The following PCID2 variants were observed in gnomAD, a reference collection of about 807,000 sequenced individuals.
The protein encoded by PCID2 is PCI domain containing 2.
PCID2 carries 41 observed loss-of-function variants against 61.3 expected under a neutral mutation model. That is an observed-to-expected ratio of 0.67 (90% CI 0.52 to 0.87). The LOEUF is 0.87. PCID2 is among the 40% of genes least tolerant of loss of function. The probability of loss-of-function intolerance (pLI) is 0.00; values close to 1 mark genes in which losing one functional copy is unlikely to be tolerated. For synonymous variants in PCID2, 187 were observed against 177.8 expected, an observed-to-expected ratio of 1.05 and a Z score of -0.41; for missense variants, 392 against 493.4, an observed-to-expected ratio of 0.79 and a Z score of 1.95.
chr13:113,183,408 T>C (rs147221567), intron 9 of PCID2, among the ~76,000 whole-genome samples: 80 of 152,186 alleles, frequency 5.3e-4, no homozygotes, highest in African/African-American at 1.9e-3. Context: ...TAAAAGCTTC[T>C]CTACCTTTAT....
the PCID2 span, among the ~76,000 whole-genome samples, chr13:113,165,607 T>A: frequency 0.74 from 113,221 of 152,172 alleles, 42,543 homozygotes; most frequent in Middle Eastern, 0.8. Flanking sequence ...CCCGGCTCAC[T>A]GCAACCTCTG....
At chr13:113,185,445 G>A (rs774035809) in intron 8 of PCID2, 40 bp downstream of exon 8, 8 of 1,455,314 alleles carry the variant, frequency 5.5e-6, no homozygotes, top group East Asian at 4.5e-5. Flanking sequence ...CAGGACAATC[G>A]AAAATTGTAA....
At position 113,178,094 on chromosome 13, in the gene PCID2, G is replaced by C; in HGVS notation, c.*104C>G. 1 of 731,804 alleles carries C rather than the reference G, an allele frequency of 1.4e-6. No homozygotes were observed. The highest frequency in any genetic ancestry group is 1.8e-5 in the South Asian group (1 of 54,610). The allele number at this position is 731,804 out of a possible 1,614,324, so 45.3% of individuals were successfully genotyped here. On this transcript the variant is annotated 3_prime_UTR_variant, in exon 14 of 14. Coordinates refer to ENST00000337344, the MANE Select transcript of PCID2 (RefSeq NM_001127202.4). ...ATCCCTGGGAAAAGCGCCTCCAAGA[G>C]TTCCGGCTTCAGGGAGCCTTGTTGC... is the stretch of plus-strand genomic sequence containing the variant.
intron 6 of PCID2, among the ~76,000 whole-genome samples, chr13:113,194,178 G>C (rs565868923): frequency 2.0e-5 from 3 of 152,278 alleles, no homozygotes; most frequent in African/African-American, 7.2e-5. Flanking sequence ...GCCACCCCCA[G>C]TCCGCACCAC....
At chr13:113,172,108 G>A in the PCID2 span, 1 of 1,612,298 alleles carries the variant, frequency 6.2e-7, no homozygotes, top group Non-Finnish European at 8.5e-7. Flanking sequence ...TGAACTAACT[G>A]AAACTCAGCT....
chr13:113,178,999 T>A lies in PCID2; in HGVS notation c.1077A>T (p.Glu359Asp). 6.2e-7 allele frequency: 1 copy of A among 1,613,722 alleles called. No homozygotes were observed. Among genetic ancestry groups the A allele is most frequent in the Non-Finnish European group, 8.5e-7 (1 of 1,179,640 alleles). The change falls in exon 13 of 14, where the codon GAA becomes GAT. Residue 359 changes from glutamate to aspartate, a missense_variant. Physicochemically the swap from Glu to Asp is conservative, Grantham distance 45 (BLOSUM62 2). This residue lies in a region of PCID2 where 226 missense variants were observed against 296.5 expected (regional missense o/e 0.76). Transcript: ENST00000337344. ...FMQVEDVDID[E>D]VQCILANLIY... ...TCAAGTTAGCCAGAATACACTGAAC[T>A]TCGTCAATGTCCACGTCCTCCACCT...
intron 7 of PCID2, among the ~76,000 whole-genome samples, chr13:113,190,194 A>G (rs2038488936): frequency 6.6e-6 from 1 of 151,854 alleles, no homozygotes; most frequent in Non-Finnish European, 1.5e-5. Flanking sequence ...CAACTTACAA[A>G]TACAGGAAGC....
downstream of PCID2, chr13:113,177,436 A>T (rs2037221571): frequency 6.6e-6 from 1 of 152,206 alleles, no homozygotes; most frequent in Admixed American, 6.5e-5. Context: ...CACGCCCGGC[A>T]TCTACACTTT....
chr13:113,192,717 GTTT>G (rs34433642), intron 6 of PCID2, among the ~76,000 whole-genome samples: 1 of 152,176 alleles, frequency 6.6e-6, no homozygotes, highest in South Asian at 2.1e-4. Context: ...TGGGGGTTGG[GTTT>G]TTAACAGTGG....
intron 1 of PCID2, among the ~76,000 whole-genome samples, chr13:113,205,410 T>C (rs993411379): frequency 2.6e-5 from 4 of 152,238 alleles, no homozygotes; most frequent in African/African-American, 7.2e-5. Context: ...GCAACCCTCA[T>C]ACATTGCTGG....
At chr13:113,166,758 G>A in the PCID2 span, among the ~76,000 whole-genome samples, 2 of 152,198 alleles carry the variant, frequency 1.3e-5, no homozygotes. Context: ...AGTGCGCTGA[G>A]GGTCGGTACT....
chr13:113,205,109 C>A (rs1418503756), intron 1 of PCID2, among the ~76,000 whole-genome samples: 1 of 152,208 alleles, frequency 6.6e-6, no homozygotes, highest in African/African-American at 2.4e-5. Context: ...CCTCTGAAGT[C>A]ACTTCTGAAT....
At chr13:113,175,784 G>C (rs2037175892), downstream of PCID2, among the ~76,000 whole-genome samples, 1 of 152,220 alleles carries the variant, frequency 6.6e-6, no homozygotes, top group African/African-American at 2.4e-5. Flanking sequence ...TGTACGTGTG[G>C]CAGTCCACGG....
chr13:113,169,840 T>C, the PCID2 span, among the ~76,000 whole-genome samples: 1 of 152,254 alleles, frequency 6.6e-6, no homozygotes, highest in African/African-American at 2.4e-5. Context: ...TGATCACCAC[T>C]GCTCTGCTGA....
At chr13:113,206,481 A>G (rs1463258883) in intron 1 of PCID2, among the ~76,000 whole-genome samples, 1 of 152,192 alleles carries the variant, frequency 6.6e-6, no homozygotes, top group Admixed American at 6.5e-5. Context: ...TAGGTAAAGG[A>G]CTATTTGCTG....
chr13:113,170,322 G>A, the PCID2 span: 3 of 794,250 alleles, frequency 3.8e-6, no homozygotes, highest in Admixed American at 1.7e-5. Context: ...TGGGGGTGGG[G>A]GGGTGGTCCA....
Position 113,180,621 on chromosome 13 carries a change from G to A in PCID2, c.787-390C>T, listed in dbSNP as rs180927042. 2.3e-4 allele frequency among the ~76,000 whole-genome samples: 35 copies of A among 152,354 alleles called. 1 individual carries two copies. In the East Asian group the frequency reaches 6.7e-3, roughly 29 times the overall value. On this transcript the variant is annotated intron_variant, in intron 10 of 13. Transcript: ENST00000337344. The stretch of plus-strand genomic sequence containing the variant: ...ATGGGGTGAGAAGTGAGGAGGGCAA[G>A]GCCACAGCAGCGCTTCTCCATCACA...
intron 1 of PCID2, 120 bp downstream of exon 1, chr13:113,208,479 G>T: frequency 6.5e-7 from 1 of 1,536,266 alleles, no homozygotes; most frequent in South Asian, 1.2e-5. Context: ...CCGGGGACCC[G>T]AACGGAAGAA....
chr13:113,196,973 T>C, intron 4 of PCID2: 1 of 1,338,496 alleles, frequency 7.5e-7, no homozygotes, highest in East Asian at 2.3e-5. Flanking sequence ...TGTTCTTCCT[T>C]ACTAAGTACT....
Sources: allele counts gnomAD v4.1 joint callset (sites outside exome capture counted in the v4.1 genomes callset), GRCh38; gene constraint gnomAD v4.1.1; regional missense constraint gnomAD v4.1.1; transcripts MANE v1.5; gene names NCBI Gene and HGNC (gene_info 2026-07-23, HGNC 2026-07-21).